MAP3K7CL: variants seen among roughly 807,000 people sequenced by gnomAD.
MAP3K7CL encodes MAP3K7 C-terminal-like protein.
MAP3K7CL carries 16 observed loss-of-function variants against 18.6 expected under a neutral mutation model. That is an observed-to-expected ratio of 0.86 (90% CI 0.58 to 1.31). The LOEUF (loss-of-function observed/expected upper bound fraction) is 1.31. MAP3K7CL is among the 50% of genes most tolerant of loss of function. The pLI is 0.00. For missense variants in MAP3K7CL, 163 were observed against 174.4 expected (o/e 0.93, Z 0.37); for synonymous variants, 65 against 66.8 (o/e 0.97, Z 0.13).
At chr21:29,103,686 G>A (rs1402794366) in intron 4 of MAP3K7CL, among the ~76,000 whole-genome samples, 2 of 151,898 alleles carry the variant, frequency 1.3e-5, no homozygotes, top group Non-Finnish European at 2.9e-5. Context: ...AGTGAGCCGG[G>A]ATCGTGCCAC....
At chr21:29,081,046 A>G (rs1374556724), upstream of MAP3K7CL, among the ~76,000 whole-genome samples, 2 of 152,144 alleles carry the variant, frequency 1.3e-5, no homozygotes, top group Non-Finnish European at 2.9e-5. Flanking sequence ...TTAGAATTGA[A>G]TATCAGGAAA....
At chr21:29,086,027 T>C in intron 1 of MAP3K7CL, 1 of 1,232,806 alleles carries the variant, frequency 8.1e-7, no homozygotes. Flanking sequence ...GAAATGGACC[T>C]TGGAAGTCTC....
At chr21:29,083,840 G>A (rs769138138), upstream of MAP3K7CL, among the ~76,000 whole-genome samples, 10 of 150,480 alleles carry the variant, frequency 6.6e-5, no homozygotes, top group Non-Finnish European at 1.0e-4. Context: ...GGATGTGTGT[G>A]TGTGTGTATA....
At chr21:29,147,360 T>C (rs560440668) in intron 2 of MAP3K7CL, among the ~76,000 whole-genome samples, 18 of 152,010 alleles carry the variant, frequency 1.2e-4, no homozygotes, top group Non-Finnish European at 2.1e-4. Flanking sequence ...GTATGTGTAC[T>C]GTATGTATGT....
chr21:29,130,136 T>G (rs2086751949), upstream of MAP3K7CL, among the ~76,000 whole-genome samples: 1 of 152,246 alleles, frequency 6.6e-6, no homozygotes, highest in African/African-American at 2.4e-5. Flanking sequence ...ATTTTGCTTA[T>G]TTAACCTCAA....
At chr21:29,133,255 T>A in intron 1 of MAP3K7CL, 51 bp from the exon 2 acceptor site, 1 of 1,409,066 alleles carries the variant, frequency 7.1e-7, no homozygotes, top group Non-Finnish European at 9.8e-7. Context: ...TCTGAGTATT[T>A]AGGGGGATGA....
intron 3 of MAP3K7CL, among the ~76,000 whole-genome samples, chr21:29,159,135 G>A (rs1398995991): frequency 1.3e-5 from 2 of 152,036 alleles, no homozygotes; most frequent in Admixed American, 6.5e-5. Flanking sequence ...TGACCAGGCT[G>A]GTCTCGAATG....
chr21:29,173,465 A>T (rs2087891268), intron 4 of MAP3K7CL, among the ~76,000 whole-genome samples: 1 of 152,228 alleles, frequency 6.6e-6, no homozygotes, highest in African/African-American at 2.4e-5. Context: ...ATCTAATGCT[A>T]ACACCAGCAG....
At chr21:29,160,111 CA>C (rs2087510395) in intron 4 of MAP3K7CL, 55 bp downstream of exon 4, 3 of 1,423,980 alleles carry the variant, frequency 2.1e-6, no homozygotes, top group South Asian at 1.2e-5. Context: ...GGGCAAGGAC[CA>C]GGGGCAATGG....
intron 4 of MAP3K7CL, among the ~76,000 whole-genome samples, chr21:29,164,484 G>A (rs946383825): frequency 6.6e-6 from 1 of 152,238 alleles, no homozygotes; most frequent in African/African-American, 2.4e-5. Context: ...GAGTCGTTCA[G>A]ACACTGCTTA....
intron 2 of MAP3K7CL, among the ~76,000 whole-genome samples, chr21:29,148,646 G>GC (rs146743987): frequency 1.7e-3 from 261 of 152,218 alleles, no homozygotes; most frequent in African/African-American, 6.0e-3. Context: ...GGAAAGAAAC[G>GC]CCCCATTTGG....
chr21:29,106,792 G>A (rs2086330269), intron 4 of MAP3K7CL, among the ~76,000 whole-genome samples: 1 of 152,144 alleles, frequency 6.6e-6, no homozygotes, highest in Non-Finnish European at 1.5e-5. Flanking sequence ...GCCTCATGTG[G>A]CCAAGCTGTT....
intron 2 of MAP3K7CL, among the ~76,000 whole-genome samples, chr21:29,136,262 G>C (rs917633008): frequency 6.6e-6 from 1 of 152,170 alleles, no homozygotes; most frequent in African/African-American, 2.4e-5. Flanking sequence ...GGAACATGTG[G>C]AGTGTCACAC....
chr21:29,131,014 A>T, intron 1 of MAP3K7CL, 91 bp downstream of exon 1: 1 of 823,734 alleles, frequency 1.2e-6, no homozygotes, highest in South Asian at 5.6e-5. Flanking sequence ...AAGAGAAGGA[A>T]CCTGTGGTTC....
upstream of MAP3K7CL, among the ~76,000 whole-genome samples, chr21:29,080,940 A>T (rs1362669449): frequency 6.6e-6 from 1 of 152,086 alleles, no homozygotes; most frequent in Non-Finnish European, 1.5e-5. Flanking sequence ...GAAATTCAGA[A>T]GTCATTCAGA....
intron 4 of MAP3K7CL, among the ~76,000 whole-genome samples, chr21:29,124,220 G>A (rs867532139): frequency 7.2e-5 from 11 of 151,930 alleles, no homozygotes; most frequent in Non-Finnish European, 7.4e-5. Flanking sequence ...TGGGCGTGGT[G>A]GCAGGCACCT....
At chr21:29,115,134 C>T (rs528543693) in intron 4 of MAP3K7CL, among the ~76,000 whole-genome samples, 13 of 152,310 alleles carry the variant, frequency 8.5e-5, no homozygotes, top group African/African-American at 3.1e-4. Context: ...GCTGTGGCCT[C>T]ATCATGCCGG....
chr21:29,160,770 C>T (rs1011591645), intron 4 of MAP3K7CL, among the ~76,000 whole-genome samples: 4 of 152,176 alleles, frequency 2.6e-5, no homozygotes, highest in Non-Finnish European at 5.9e-5. Context: ...TTGATTAGAT[C>T]TCCTTTTGAT....
chr21:29,166,114 A>G (rs888890695), intron 4 of MAP3K7CL, among the ~76,000 whole-genome samples: 4 of 152,156 alleles, frequency 2.6e-5, no homozygotes, highest in Non-Finnish European at 4.4e-5. Context: ...CCTCCTGTCT[A>G]ACTGTAACTA....
Sources: gnomAD v4.1 joint callset for allele counts (sites outside exome capture counted in the v4.1 genomes callset) on GRCh38, gnomAD v4.1.1 for gene constraint, MANE v1.5 for transcripts, NCBI Gene and HGNC (gene_info 2026-07-23, HGNC 2026-07-21) for gene names.